The following BBOF1 variants were observed in gnomAD, a reference collection of about 807,000 sequenced individuals.
The protein encoded by BBOF1 is basal body orientation factor 1.
Under a neutral mutation model 68.0 loss-of-function variants are expected in BBOF1, and 62 were observed. That is an observed-to-expected ratio of 0.91 (90% CI 0.74 to 1.13). The LOEUF (loss-of-function observed/expected upper bound fraction) is 1.13, where lower values mean the gene tolerates loss of function less well. Ranked by LOEUF, BBOF1 falls within the 50% of genes most tolerant of loss-of-function variation. BBOF1 has a pLI of 0.00. For synonymous variants in BBOF1, 208 were observed against 198.8 expected (o/e 1.05, Z -0.39); for missense variants, 534 against 600.1 (o/e 0.89, Z 1.15).
rs1595124589 is a variant in BBOF1, at chr14:74,071,136, C to T, written n.1380-7060C>T. On this transcript the variant is annotated intron_variant and non_coding_transcript_variant, in intron 9 of 12. Coordinates refer to the BBOF1 transcript ENST00000492026. ...CTTATCCTAAAACATCCAACCATCA[C>T]TCAACACCTTGATTTTTTGGTAGCC... The T allele has an allele frequency of 2.0e-6, 3 of 1,502,582 alleles. No individual in the cohort carries two copies. The African/African-American group carries it at 4.1e-5, about 21-fold the overall frequency. 93.1% of individuals were successfully genotyped at this position (1,502,582 alleles called of 1,614,324 possible). A position where few individuals can be genotyped will look rare whatever the true frequency, so the allele number is the denominator to read the frequency against.
chr14:74,031,433 G>A (rs1347977234), intron 3 of BBOF1, among the ~76,000 whole-genome samples: 1 of 151,996 alleles, frequency 6.6e-6, no homozygotes, highest in African/African-American at 2.4e-5. Flanking sequence ...TTATAGCTGT[G>A]TGATGATTAT....
downstream of BBOF1, chr14:74,067,535 G>T: frequency 1.9e-6 from 3 of 1,614,084 alleles, no homozygotes; most frequent in East Asian, 6.7e-5. Context: ...TTCCTTATTG[G>T]CATCTGGCAT....
At chr14:74,046,183 C>T in intron 6 of BBOF1, 53 bp downstream of exon 6, 1 of 1,456,348 alleles carries the variant, frequency 6.9e-7, no homozygotes, top group Admixed American at 2.3e-5. Context: ...TACCTCTTTG[C>T]TGGTCTCTTT....
chr14:74,067,581 T>G (rs1415199825), downstream of BBOF1: 1 of 1,612,494 alleles, frequency 6.2e-7, no homozygotes, highest in African/African-American at 1.3e-5. Flanking sequence ...TAAAAAAAAA[T>G]GCAGAAAGCA....
chr14:74,069,098 TTTC>T, downstream of BBOF1: 15 of 1,030,968 alleles, frequency 1.5e-5, no homozygotes, highest in South Asian at 6.2e-5. Flanking sequence ...TCTTTTACTT[TTTC>T]TTTTTTTTTT....
At position 74,020,505 on chromosome 14, in the gene BBOF1, CTT is replaced by C. The variant is rs33959730; in HGVS notation, c.56+982_56+983del. 4.7e-5 allele frequency among the ~76,000 whole-genome samples: 7 copies of C among 147,900 alleles called. No individual in the cohort carries two copies. The East Asian group carries it at 5.9e-4, about 12-fold the overall frequency. On this transcript the variant is annotated intron_variant, in intron 1 of 11. Coordinates refer to ENST00000394009, the MANE Select transcript of BBOF1 (RefSeq NM_025057.3). ...AGTGTCTAATTTCTTGCATCAAGTA[CTT>C]TTTTTTTTTTCTTGACACCAAGTTT... is the stretch of plus-strand genomic sequence containing the variant.
At chr14:74,074,379 C>T (rs531674606) in intron 9 of BBOF1, among the ~76,000 whole-genome samples, 2 of 151,866 alleles carry the variant, frequency 1.3e-5, no homozygotes, top group South Asian at 2.1e-4. Flanking sequence ...CTCCGCCTCC[C>T]GAATTCAAGC....
At chr14:74,025,517 T>C (rs1322729932) in intron 2 of BBOF1, among the ~76,000 whole-genome samples, 1 of 152,234 alleles carries the variant, frequency 6.6e-6, no homozygotes, top group African/African-American at 2.4e-5. Flanking sequence ...AAATGAAATG[T>C]GTTTTGAAAA....
chr14:74,028,512 A>ACACACACACAC (rs1491423768), intron 2 of BBOF1, among the ~76,000 whole-genome samples: 1 of 122,864 alleles, frequency 8.1e-6, no homozygotes, highest in African/African-American at 3.0e-5. Flanking sequence ...ACACACACAC[A>ACACACACACAC]AATAGAGGGA....
At chr14:74,033,408 A>C (rs1334344160) in intron 3 of BBOF1, among the ~76,000 whole-genome samples, 1 of 151,998 alleles carries the variant, frequency 6.6e-6, no homozygotes, top group Non-Finnish European at 1.5e-5. Context: ...TCTCTACTAA[A>C]AAATACAAAA....
intron 9 of BBOF1, chr14:74,071,851 T>A: frequency 6.3e-7 from 1 of 1,595,248 alleles, no homozygotes; most frequent in Non-Finnish European, 8.6e-7. Flanking sequence ...CCTCCCATCT[T>A]CCTTTGGTCC....
At chr14:74,023,870 C>G (rs1047507933) in intron 2 of BBOF1, among the ~76,000 whole-genome samples, 1 of 144,686 alleles carries the variant, frequency 6.9e-6, no homozygotes, top group African/African-American at 2.6e-5. Flanking sequence ...GAGCTGAGAT[C>G]ATACCATTAC....
downstream of BBOF1, among the ~76,000 whole-genome samples, chr14:74,070,444 G>A (rs545124075): frequency 3.3e-5 from 5 of 152,028 alleles, no homozygotes; most frequent in Non-Finnish European, 7.4e-5. Context: ...GCTTGAACCT[G>A]GGAGGCAGCG....
intron 9 of BBOF1, among the ~76,000 whole-genome samples, chr14:74,076,942 T>C (rs1229991772): frequency 2.0e-5 from 3 of 152,220 alleles, no homozygotes. Context: ...AAAGGAAAGC[T>C]GCAATCTAAT....
chr14:74,074,685 G>A (rs2060593094), intron 9 of BBOF1, among the ~76,000 whole-genome samples: 1 of 152,094 alleles, frequency 6.6e-6, no homozygotes, highest in Non-Finnish European at 1.5e-5. Context: ...GCTGGAAGTG[G>A]TTGACAGACA....
At chr14:74,073,683 G>A (rs931380071) in intron 9 of BBOF1, among the ~76,000 whole-genome samples, 1 of 152,000 alleles carries the variant, frequency 6.6e-6, no homozygotes, top group Non-Finnish European at 1.5e-5. Flanking sequence ...TTGGGAGGCC[G>A]AGGCAGGTGG....
At chr14:74,032,266 A>G (rs1048985517) in intron 3 of BBOF1, among the ~76,000 whole-genome samples, 2 of 151,088 alleles carry the variant, frequency 1.3e-5, no homozygotes, top group Non-Finnish European at 2.9e-5. Context: ...AGCTGGGATT[A>G]CAGGCACCTG....
chr14:74,065,037 T>A lies in BBOF1; in HGVS notation c.*338T>A. On this transcript the variant is annotated 3_prime_UTR_variant, in exon 12 of 12. Transcript: ENST00000394009. The stretch of plus-strand genomic sequence containing the variant: ...ACCTTCTACCCTATCCTCTACCCCA[T>A]GAACTTTCATTCCTGAGGAAGAAAT... The A allele has an allele frequency of 7.3e-7, 1 of 1,373,978 alleles. No homozygotes were observed. Among genetic ancestry groups the A allele is most frequent in the Non-Finnish European group, 1.0e-6 (1 of 979,226 alleles). 85.1% of individuals were successfully genotyped at this position (1,373,978 alleles called of 1,614,324 possible).
At chr14:74,019,820 A>G (rs918875968) in intron 1 of BBOF1, among the ~76,000 whole-genome samples, 1 of 152,260 alleles carries the variant, frequency 6.6e-6, no homozygotes, top group Non-Finnish European at 1.5e-5. Flanking sequence ...TTGGATAATT[A>G]TTGAGGTTTT....
Sources: allele counts gnomAD v4.1 joint callset (sites outside exome capture counted in the v4.1 genomes callset), GRCh38; gene constraint gnomAD v4.1.1; transcripts MANE v1.5; gene names NCBI Gene and HGNC (gene_info 2026-07-23, HGNC 2026-07-21).